The following PIGU variants were observed in gnomAD, a reference collection of about 807,000 sequenced individuals.
PIGU encodes phosphatidylinositol glycan anchor biosynthesis class U.
A neutral mutation model predicts 49.9 loss-of-function variants in PIGU; 24 were observed. The observed-to-expected ratio is 0.48, with a 90% CI of 0.35 to 0.68. PIGU has a LOEUF of 0.68. Among genes scored for constraint, PIGU ranks in the 30% least tolerant of loss-of-function variants. The pLI, the probability that PIGU is intolerant of heterozygous loss-of-function variation, is 0.01. For synonymous variants in PIGU, 220 were observed against 205.7 expected, an observed-to-expected ratio of 1.07 and a Z score of -0.59; for missense variants, 490 against 532.6, an observed-to-expected ratio of 0.92 and a Z score of 0.79.
At chr20:34,566,141 C>T (rs1001094912) in intron 11 of PIGU, among the ~76,000 whole-genome samples, 1 of 152,200 alleles carries the variant, frequency 6.6e-6, no homozygotes, top group African/African-American at 2.4e-5. Flanking sequence ...CCCTGGCTCC[C>T]CCTGCCCTGC....
intron 2 of PIGU, among the ~76,000 whole-genome samples, chr20:34,646,147 A>T (rs111861791): frequency 5.9e-5 from 9 of 152,204 alleles, no homozygotes; most frequent in Non-Finnish European, 1.3e-4. Context: ...ATTTGGGAAA[A>T]TTCACTCACT....
intron 1 of PIGU, among the ~76,000 whole-genome samples, chr20:34,659,259 T>C (rs1434025921): frequency 1.4e-4 from 12 of 86,024 alleles, no homozygotes; most frequent in Admixed American, 5.0e-4. Context: ...GGTGGGGGGG[T>C]CAGCCCCCCG....
intron 1 of PIGU, among the ~76,000 whole-genome samples, chr20:34,658,565 C>T (rs984315466): frequency 7.9e-5 from 12 of 151,566 alleles, no homozygotes; most frequent in African/African-American, 2.4e-4. Flanking sequence ...TCTGCCCGGC[C>T]GCCCATCGTC....
chr20:34,666,707 T>C (rs1987111083), intron 1 of PIGU, among the ~76,000 whole-genome samples: 1 of 138,656 alleles, frequency 7.2e-6, no homozygotes, highest in African/African-American at 2.7e-5. Flanking sequence ...TTTTTTTTTT[T>C]TTTTTTTGAG....
chr20:34,564,254 G>A (rs1011263910), intron 11 of PIGU, among the ~76,000 whole-genome samples: 5 of 152,154 alleles, frequency 3.3e-5, no homozygotes, highest in African/African-American at 9.7e-5. Flanking sequence ...AACACATCAC[G>A]GTAAAATATA....
chr20:34,602,985 T>G (rs1984483656), intron 7 of PIGU, among the ~76,000 whole-genome samples: 1 of 152,220 alleles, frequency 6.6e-6, no homozygotes, highest in African/African-American at 2.4e-5. Context: ...GATACAATTT[T>G]TAAGTCTCTT....
intron 10 of PIGU, among the ~76,000 whole-genome samples, 162 bp from the exon 11 acceptor site, chr20:34,575,408 T>C (rs1436057527): frequency 2.0e-5 from 3 of 152,122 alleles, no homozygotes; most frequent in African/African-American, 7.2e-5. Context: ...AACCCCAGAC[T>C]CCTCAGTCAA....
chr20:34,575,489 G>A (rs1274537596), intron 10 of PIGU, among the ~76,000 whole-genome samples: 2 of 152,224 alleles, frequency 1.3e-5, no homozygotes, highest in East Asian at 3.8e-4. Flanking sequence ...GGGCTTGGCT[G>A]GCTGAAGACC....
intron 2 of PIGU, among the ~76,000 whole-genome samples, chr20:34,652,044 G>A (rs1488525903): frequency 6.6e-6 from 1 of 152,082 alleles, no homozygotes; most frequent in Non-Finnish European, 1.5e-5. Flanking sequence ...CTGTTGCCTA[G>A]GCTGGGGTGC....
At chr20:34,579,476 A>T (rs552357542) in intron 10 of PIGU, 1 of 152,352 alleles carries the variant, frequency 6.6e-6, no homozygotes, top group East Asian at 1.9e-4. Context: ...TCCTAGCCAC[A>T]TTAAATATAT....
At chr20:34,636,349 C>A (rs952300611) in intron 5 of PIGU, among the ~76,000 whole-genome samples, 2 of 152,196 alleles carry the variant, frequency 1.3e-5, no homozygotes, top group South Asian at 4.1e-4. Context: ...TCAAGACCAG[C>A]CTGGCCAACA....
Position 34,585,460 on chromosome 20 carries a change from G to A in PIGU, c.903C>T (p.Thr301=). The change falls in exon 9 of 12, where the codon ACC becomes ACT. Residue 301 remains threonine, a synonymous_variant. Coordinates refer to ENST00000217446, the MANE Select transcript of PIGU (RefSeq NM_080476.5). ...ACTTTAGCTTTATGGCTAAGGGGAT[G>A]GTGTAGAAGAAGACGTTGATCTGAA... The part of the protein sequence containing the change: ...CVFQINVFFY[T]IPLAIKLKEH... The A allele has an allele frequency of 6.2e-7, 1 of 1,614,134 alleles. No homozygotes were observed.
intron 7 of PIGU, among the ~76,000 whole-genome samples, chr20:34,599,343 C>G (rs1984323705): frequency 2.0e-5 from 3 of 152,002 alleles, no homozygotes; most frequent in Admixed American, 6.6e-5. Flanking sequence ...GTCCCAGCTA[C>G]TCGGGAGGCT....
intron 2 of PIGU, among the ~76,000 whole-genome samples, chr20:34,650,700 C>CTTTTTTTTTTTTTTCTTTTTTTTT (rs1986510390): frequency 2.6e-5 from 1 of 38,778 alleles, no homozygotes; most frequent in Non-Finnish European, 4.4e-5. Context: ...CTTTTTTTCT[C>CTTTTTTTTTTTTTTCTTTTTTTTT]TTTTTTTTTT....
At chr20:34,657,136 G>T in intron 2 of PIGU, 44 bp downstream of exon 2, 1 of 1,454,382 alleles carries the variant, frequency 6.9e-7, no homozygotes, top group Non-Finnish European at 9.6e-7. Flanking sequence ...ATCTGTGACT[G>T]TAAACTACTC....
chr20:34,644,658 G>A (rs997923827), intron 3 of PIGU, among the ~76,000 whole-genome samples: 2 of 152,126 alleles, frequency 1.3e-5, no homozygotes, highest in African/African-American at 4.8e-5. Context: ...TCCCAGACAA[G>A]TGTTTCAAAT....
At chr20:34,676,830 C>G (rs539047452) in intron 1 of PIGU, 126 bp downstream of exon 1, 3 of 929,402 alleles carry the variant, frequency 3.2e-6, no homozygotes, top group Non-Finnish European at 4.6e-6. Flanking sequence ...TCTCCAAGAA[C>G]CCCACGAGAC....
chr20:34,591,231 AAC>A (rs1458300203), intron 7 of PIGU, among the ~76,000 whole-genome samples: 1 of 152,194 alleles, frequency 6.6e-6, no homozygotes, highest in African/African-American at 2.4e-5. Context: ...GGAAAAATAT[AAC>A]AGTTCTAAAT....
intron 6 of PIGU, among the ~76,000 whole-genome samples, chr20:34,617,036 G>T (rs758185971): frequency 5.3e-5 from 8 of 152,194 alleles, no homozygotes; most frequent in Non-Finnish European, 7.3e-5. Context: ...CTTGAAACTG[G>T]GAGGCAGAGG....
Sources: allele counts gnomAD v4.1 joint callset (sites outside exome capture counted in the v4.1 genomes callset), GRCh38; gene constraint gnomAD v4.1.1; transcripts MANE v1.5; gene names NCBI Gene and HGNC (gene_info 2026-07-23, HGNC 2026-07-21).